Variants in TNR observed in about 807,000 individuals in gnomAD.
TNR encodes the protein tenascin-R.
In TNR, 45 loss-of-function variants were observed where a neutral mutation model predicts 150.4. The ratio of observed to expected loss-of-function variants is 0.30; its 90% CI spans 0.24 to 0.38. TNR has a LOEUF of 0.38. Among genes scored for constraint, TNR ranks in the 10% least tolerant of loss-of-function variants. The probability of loss-of-function intolerance (pLI) is 1.00; values close to 1 mark genes in which losing one functional copy is unlikely to be tolerated. For synonymous variants in TNR, 687 were observed against 678.4 expected (o/e 1.01, Z -0.20); for missense variants, 1,544 against 1,759.1 (o/e 0.88, Z 2.19).
intron 1 of TNR, among the ~76,000 whole-genome samples, chr1:175,638,227 T>C (rs1664543513): frequency 6.6e-6 from 1 of 152,220 alleles, no homozygotes; most frequent in Non-Finnish European, 1.5e-5. Flanking sequence ...CTGGAAGAGA[T>C]GCCTTACAAC....
At chr1:175,330,998 ATTCT>A (rs764826338) in intron 20 of TNR, among the ~76,000 whole-genome samples, 3,796 of 72,752 alleles carry the variant, frequency 0.052, 130 homozygotes, top group Middle Eastern at 0.085. Flanking sequence ...CCTCTTGGTG[ATTCT>A]TTCTTTCTTT....
intron 1 of TNR, among the ~76,000 whole-genome samples, chr1:175,657,344 T>C (rs1665209711): frequency 1.3e-5 from 2 of 152,202 alleles, no homozygotes; most frequent in Admixed American, 1.3e-4. Flanking sequence ...AGTTCAACCA[T>C]TGTGGAAGTC....
intron 1 of TNR, among the ~76,000 whole-genome samples, chr1:175,632,534 C>A (rs1340800981): frequency 6.6e-6 from 1 of 152,154 alleles, no homozygotes; most frequent in African/African-American, 2.4e-5. Context: ...TGCTGGTAAC[C>A]ATGAATTAAG....
chr1:175,571,111 T>C (rs1465152096), intron 1 of TNR, among the ~76,000 whole-genome samples: 1 of 152,182 alleles, frequency 6.6e-6, no homozygotes, highest in Non-Finnish European at 1.5e-5. Flanking sequence ...TAAAGTTTCT[T>C]TACCTTCTGA....
chr1:175,686,002 C>A (rs1399735929), intron 1 of TNR, among the ~76,000 whole-genome samples: 1 of 152,202 alleles, frequency 6.6e-6, no homozygotes, highest in Non-Finnish European at 1.5e-5. Flanking sequence ...TTGCAAGAAG[C>A]TTTCTACCAC....
At chr1:175,690,207 G>T (rs1666319852) in intron 1 of TNR, among the ~76,000 whole-genome samples, 1 of 152,176 alleles carries the variant, frequency 6.6e-6, no homozygotes, top group Admixed American at 6.5e-5. Flanking sequence ...AATAAATTTT[G>T]ATTTGAGTAC....
intron 2 of TNR, among the ~76,000 whole-genome samples, chr1:175,450,068 C>T (rs916367241): frequency 6.6e-6 from 1 of 152,180 alleles, no homozygotes; most frequent in African/African-American, 2.4e-5. Context: ...GCTTTAGGTC[C>T]TGGGCCTGCC....
intron 1 of TNR, among the ~76,000 whole-genome samples, chr1:175,674,826 T>C (rs1458218241): frequency 6.6e-6 from 1 of 152,180 alleles, no homozygotes; most frequent in Non-Finnish European, 1.5e-5. Context: ...AGCATCAATC[T>C]GCTGGACTTC....
At chr1:175,356,970 C>T (rs1282493825) in intron 15 of TNR, among the ~76,000 whole-genome samples, 1 of 152,178 alleles carries the variant, frequency 6.6e-6, no homozygotes, top group African/African-American at 2.4e-5. Context: ...TAAACAGGGT[C>T]AGTCTGTGCT....
intron 2 of TNR, among the ~76,000 whole-genome samples, chr1:175,418,721 AG>A (rs1654619034): frequency 6.7e-6 from 1 of 148,316 alleles, no homozygotes; most frequent in Non-Finnish European, 1.5e-5. Flanking sequence ...AGAGAGAGAG[AG>A]AAAAAAAAAA....
rs1451421530 is a variant in TNR at position 175,331,070 on chromosome 1, TTTCTTTCC to T, written c.3632-843_3632-836del. On this transcript the variant is annotated intron_variant, in intron 20 of 22. Transcript: ENST00000367674. ...CTTTCTTTCTTTCTTTCTTTCTTTCTTTCTTTCCTTCTTTCTTTCTTTCTTTCTTTCTC... is the reference window on the plus strand; with the variant it reads ...CTTTCTTTCTTTCTTTCTTTCTTTCTTTCTTTCTTTCTTTCTTTCTTTCTC... Among the ~76,000 whole-genome samples, 157 of 113,834 alleles carry T rather than the reference TTTCTTTCC, an allele frequency of 1.4e-3. 1 individual carries two copies. Among genetic ancestry groups the T allele is most frequent in the Non-Finnish European group, 1.6e-3 (86 of 55,360 alleles). The allele number at this position is 113,834 out of a possible 152,430, so 74.7% of individuals were successfully genotyped here.
chr1:175,628,602 C>T (rs778707607), intron 1 of TNR, among the ~76,000 whole-genome samples: 3 of 151,790 alleles, frequency 2.0e-5, no homozygotes, highest in Non-Finnish European at 4.4e-5. Flanking sequence ...GGGTGGTTTC[C>T]AGCTGAGAGC....
intron 1 of TNR, among the ~76,000 whole-genome samples, chr1:175,546,485 G>T (rs1178529897): frequency 6.6e-6 from 1 of 152,196 alleles, no homozygotes; most frequent in African/African-American, 2.4e-5. Context: ...TCAGGACACG[G>T]CTAATGGGAT....
At chr1:175,446,908 G>A (rs1430576865) in intron 2 of TNR, among the ~76,000 whole-genome samples, 6 of 152,136 alleles carry the variant, frequency 3.9e-5, no homozygotes, top group Non-Finnish European at 8.8e-5. Flanking sequence ...TATGTAATGG[G>A]CATGCATGTA....
chr1:175,513,776 C>T (rs1300858654), intron 2 of TNR, among the ~76,000 whole-genome samples: 1 of 152,158 alleles, frequency 6.6e-6, no homozygotes, highest in Non-Finnish European at 1.5e-5. Context: ...TTTTCAACAC[C>T]AGAGTCTAAG....
At chr1:175,363,447 A>T (rs1259810143) in intron 13 of TNR, among the ~76,000 whole-genome samples, 1 of 152,072 alleles carries the variant, frequency 6.6e-6, no homozygotes, top group Admixed American at 6.5e-5. Flanking sequence ...TTTTCTCAAG[A>T]CACTGCCTAG....
rs767647824 is a variant in TNR, at chr1:175,403,427, C to T, written c.689G>A (p.Cys230Tyr). 2 of 1,614,224 alleles carry T rather than the reference C, an allele frequency of 1.2e-6. No homozygotes were observed. Among genetic ancestry groups the T allele is most frequent in the Non-Finnish European group, 1.7e-6 (2 of 1,180,038 alleles). ...GTCTGTTGGGCACCGGAGTTCGGAA[C>T]AGTCATCCCCGCTGTACTCGCTGTC... ...ICDSEYSGDD[C>Y]SELRCPTDCS... Residue 230 changes from cysteine to tyrosine, a missense_variant, in exon 4 of 23, where the codon TGT (cysteine) becomes TAT (tyrosine). Transcript: ENST00000367674.
At chr1:175,713,074 G>A (rs771868029) in intron 1 of TNR, among the ~76,000 whole-genome samples, 7 of 152,138 alleles carry the variant, frequency 4.6e-5, no homozygotes, top group Non-Finnish European at 8.8e-5. Context: ...CAGTGCAAAC[G>A]GGACACCCAA....
In TNR at chr1:175,335,736, C is replaced by T. The variant is rs759354260; in HGVS notation, c.3606G>A (p.Gly1202=). The T allele has an allele frequency of 9.9e-6, 16 of 1,614,108 alleles. No homozygotes were observed. The highest frequency in any genetic ancestry group is 4.4e-5 in the South Asian group (4 of 91,074). ...RKWADYRVGF[G]NVEDEFWLGL... is the part of the protein sequence containing the mutation. ...CCAGCCAGAACTCATCCTCCACGTTCCCGAAGCCAACACGGTAATCAGCCC... is the reference window on the plus strand; with the variant it reads ...CCAGCCAGAACTCATCCTCCACGTTTCCGAAGCCAACACGGTAATCAGCCC... Residue 1202 remains glycine, a synonymous_variant, in exon 20 of 23, where the codon GGG becomes GGA. Coordinates refer to ENST00000367674, the MANE Select transcript of TNR (RefSeq NM_003285.3).
Sources: allele counts gnomAD v4.1 joint callset (sites outside exome capture counted in the v4.1 genomes callset), GRCh38; gene constraint gnomAD v4.1.1; transcripts MANE v1.5; gene names NCBI Gene and HGNC (gene_info 2026-07-23, HGNC 2026-07-21).